Variants in TLE6 observed in about 807,000 individuals in gnomAD.
TLE6 encodes the protein transducin-like enhancer protein 6.
In TLE6, 72 loss-of-function variants were observed where a neutral mutation model predicts 77.1. That is an observed-to-expected ratio of 0.93 (90% CI 0.77 to 1.14). The LOEUF (loss-of-function observed/expected upper bound fraction) is 1.14. TLE6 is among the 50% of genes most tolerant of loss of function. The probability of loss-of-function intolerance (pLI) is 0.00; values close to 1 mark genes in which losing one functional copy is unlikely to be tolerated. For missense variants in TLE6, 843 were observed against 747.6 expected (o/e 1.13, Z -1.49); for synonymous variants, 366 against 287.3 (o/e 1.27, Z -2.77).
chr19:2,989,396 T>C, intron 12 of TLE6, 83 bp downstream of exon 12: 1 of 1,587,728 alleles, frequency 6.3e-7, no homozygotes, highest in South Asian at 1.1e-5. Context: ...GCCCAGATCG[T>C]GGAGAGAGGG....
At chr19:2,991,736 G>C (rs2089070085) in intron 13 of TLE6, 107 bp from the exon 14 acceptor site, 2 of 1,060,998 alleles carry the variant, frequency 1.9e-6, no homozygotes, top group Non-Finnish European at 1.4e-6. Context: ...AGAGATTTTT[G>C]GGTGGTGGCA....
upstream of TLE6, chr19:2,977,451 T>C (rs943562413): frequency 1.3e-5 from 2 of 150,806 alleles, no homozygotes; most frequent in Non-Finnish European, 3.0e-5. Flanking sequence ...CCTTCATTGA[T>C]CTGCTTCGCG....
At chr19:2,992,043 AATG>A (rs1409777424) in intron 14 of TLE6, 59 bp downstream of exon 14, 1 of 1,594,284 alleles carries the variant, frequency 6.3e-7, no homozygotes, top group African/African-American at 1.3e-5. Context: ...CAGATTAAAA[AATG>A]AGGTTGAGGC....
At chr19:2,985,575 AT>A (rs1233284629) in intron 5 of TLE6, among the ~76,000 whole-genome samples, 18,692 of 125,242 alleles carry the variant, frequency 0.15, 1,472 homozygotes, top group Non-Finnish European at 0.22. Flanking sequence ...TGCCTGGCTA[AT>A]TTTTTTTTTT....
chr19:2,991,381 T>TACACACAC (rs1202011955), intron 13 of TLE6, among the ~76,000 whole-genome samples: 6 of 98,064 alleles, frequency 6.1e-5, no homozygotes, highest in South Asian at 3.0e-4. Flanking sequence ...AATACGTATA[T>TACACACAC]ATATATATAT....
At chr19:2,981,882 G>A (rs1314593919) in intron 4 of TLE6, among the ~76,000 whole-genome samples, 1 of 152,046 alleles carries the variant, frequency 6.6e-6, no homozygotes, top group African/African-American at 2.4e-5. Context: ...TGAGGCAGGA[G>A]AATCGCTTGA....
chr19:2,989,735 C>A lies in TLE6; in HGVS notation c.1194C>A (p.Phe398Leu). Reference sequence around the variant, plus strand: ...ATGCCAACCTGGCCTTCGCCAGCTTCACCAGTGGTGTGGTCAGGATCTGGG... The same window carrying A: ...ATGCCAACCTGGCCTTCGCCAGCTTAACCAGTGGTGTGGTCAGGATCTGGG... ...NLDANLAFAS[F>L]TSGVVRIWDL... The change falls in exon 13 of 17, where the codon TTC (phenylalanine) becomes TTA (leucine). Residue 398 changes from phenylalanine to leucine, a missense_variant. Coordinates refer to ENST00000246112, the MANE Select transcript of TLE6 (RefSeq NM_001143986.2). 1 of 1,614,222 alleles carries A rather than the reference C, an allele frequency of 6.2e-7. No homozygotes were observed. The highest frequency in any genetic ancestry group is 8.5e-7 in the Non-Finnish European group (1 of 1,180,032).
rs2089181461 is a variant in TLE6, at chr19:2,995,045, AT to A, written c.*42del. On this transcript the variant is annotated 3_prime_UTR_variant, in exon 17 of 17. Transcript: ENST00000246112. ...TCATCCCACTCCGGCTCCTCTTTTCATCCCCCCCCTTCCCCCCCCCCAACAA... is the reference window on the plus strand; with the variant it reads ...TCATCCCACTCCGGCTCCTCTTTTCACCCCCCCCTTCCCCCCCCCCAACAA... The A allele has an allele frequency of 8.5e-7, 1 of 1,170,350 alleles. No homozygotes were observed. Among genetic ancestry groups the A allele is most frequent in the Non-Finnish European group, 1.2e-6 (1 of 841,018 alleles). 72.5% of individuals were successfully genotyped at this position (1,170,350 alleles called of 1,614,324 possible). A position where few individuals can be genotyped will look rare whatever the true frequency, so the allele number is the denominator to read the frequency against.
At chr19:2,987,682 C>T (rs1219273446) in intron 8 of TLE6, 42 bp from the exon 9 acceptor site, 2 of 1,608,500 alleles carry the variant, frequency 1.2e-6, no homozygotes, top group Admixed American at 1.7e-5. Context: ...CTGGTCCTAA[C>T]AGGCAGGTCA....
chr19:2,985,107 G>A (rs982901154), intron 5 of TLE6, among the ~76,000 whole-genome samples: 2 of 151,778 alleles, frequency 1.3e-5, no homozygotes, highest in Non-Finnish European at 2.9e-5. Flanking sequence ...AAAATTAGCT[G>A]GGCATGGTGG....
intron 13 of TLE6, 43 bp from the exon 14 acceptor site, chr19:2,991,800 C>T: frequency 6.2e-7 from 1 of 1,602,986 alleles, no homozygotes. Context: ...GCCCAAACCT[C>T]AGAGTCTTGA....
intron 8 of TLE6, 59 bp downstream of exon 8, chr19:2,987,431 TC>T: frequency 6.2e-7 from 1 of 1,609,268 alleles, no homozygotes; most frequent in Non-Finnish European, 8.5e-7. Flanking sequence ...GCGGTTGGGC[TC>T]CCCCAGGTCA....
chr19:2,978,475 C>T (rs1044833073), intron 2 of TLE6, among the ~76,000 whole-genome samples, 191 bp downstream of exon 2: 2 of 152,142 alleles, frequency 1.3e-5, no homozygotes, highest in Non-Finnish European at 2.9e-5. Flanking sequence ...GTAGGCTGGA[C>T]ACTGTGGCTC....
rs117769482 is a variant in TLE6 at position 2,994,238 on chromosome 19, G to A, written c.1614+143G>A. The A allele has an allele frequency of 9.2e-3, 6,080 of 664,414 alleles. 166 individuals are homozygous for A. Among genetic ancestry groups the A allele is most frequent in the East Asian group, 0.078 (2,819 of 36,178 alleles). The allele number at this position is 664,414 out of a possible 1,614,324, so 41.2% of individuals were successfully genotyped here. ...CGGCTTTAATCCCAGCATTTTGGGAGGCTGAGGCAGGAAGATCTCTTAAGT... is the reference window on the plus strand; with the variant it reads ...CGGCTTTAATCCCAGCATTTTGGGAAGCTGAGGCAGGAAGATCTCTTAAGT... On this transcript the variant is annotated intron_variant, in intron 16 of 16. Coordinates refer to ENST00000246112, the MANE Select transcript of TLE6 (RefSeq NM_001143986.2).
At chr19:2,979,179 C>T (rs1454233335) in intron 2 of TLE6, among the ~76,000 whole-genome samples, 1 of 152,020 alleles carries the variant, frequency 6.6e-6, no homozygotes, top group Non-Finnish European at 1.5e-5. Flanking sequence ...GTCTCGAGCT[C>T]CTGACCTCGT....
At chr19:2,988,279 G>A in intron 11 of TLE6, 151 bp downstream of exon 11, 1 of 932,046 alleles carries the variant, frequency 1.1e-6, no homozygotes, top group Non-Finnish European at 1.6e-6. Flanking sequence ...CTCTCCAACA[G>A]CCGCTGCAGA....
chr19:2,983,838 A>C (rs1426057546), intron 5 of TLE6: 2 of 152,514 alleles, frequency 1.3e-5, no homozygotes, highest in African/African-American at 4.8e-5. Context: ...TTGCTTAGTG[A>C]TGAGAAGTAA....
rs559262238 is a variant in TLE6 at position 2,983,603 on chromosome 19, G to T, written c.222+1414G>T. Among the ~76,000 whole-genome samples the T allele has an allele frequency of 5.2e-5, 7 of 134,802 alleles. No individual in the cohort carries two copies. The South Asian group carries it at 8.8e-4, about 17-fold the overall frequency. 88.4% of individuals were successfully genotyped at this position (134,802 alleles called of 152,430 possible). ...AAGGCACTACGAGGAAGCCCGCATG[G>T]CTGGAGCAGAGTGAGAGGAGGAGGG... On this transcript the variant is annotated intron_variant, in intron 5 of 16. Coordinates refer to ENST00000246112, the MANE Select transcript of TLE6 (RefSeq NM_001143986.2).
rs1286416728 is a variant in TLE6, at chr19:2,993,939, AAAAG to A, written c.1538-79_1538-76del. 7 of 947,566 alleles carry A rather than the reference AAAAG, an allele frequency of 7.4e-6. No individual in the cohort carries two copies. The African/African-American group carries it at 8.4e-5, about 11-fold the overall frequency. 58.7% of individuals were successfully genotyped at this position (947,566 alleles called of 1,614,324 possible). A position where few individuals can be genotyped will look rare whatever the true frequency, so the allele number is the denominator to read the frequency against. On this transcript the variant is annotated intron_variant, in intron 15 of 16. Transcript: ENST00000246112. ...CTGTCTCAAAAAAAAAAAAAAAAAA[AAAAG>A]GTGGGTGGGGAGGATGAACTCTGGG...
Sources: allele counts gnomAD v4.1 joint callset (sites outside exome capture counted in the v4.1 genomes callset), GRCh38; gene constraint gnomAD v4.1.1; transcripts MANE v1.5; gene names NCBI Gene and HGNC (gene_info 2026-07-23, HGNC 2026-07-21).